Variants in FRMD4B observed in about 807,000 individuals in gnomAD.
FRMD4B encodes FERM domain-containing protein 4B.
Under a neutral mutation model 141.5 loss-of-function variants are expected in FRMD4B, and 74 were observed. The observed-to-expected ratio is 0.52, with a 90% CI of 0.43 to 0.63. The LOEUF is 0.63. Ranked by LOEUF, FRMD4B falls within the 30% of genes least tolerant of loss-of-function variation. The pLI, the probability that FRMD4B is intolerant of heterozygous loss-of-function variation, is 0.00. For missense variants in FRMD4B, 1,366 were observed against 1,253.4 expected (o/e 1.09, Z -1.36); for synonymous variants, 506 against 467.9 (o/e 1.08, Z -1.05).
chr3:69,307,635 G>A (rs754469458), intron 3 of FRMD4B, among the ~76,000 whole-genome samples: 3 of 152,030 alleles, frequency 2.0e-5, no homozygotes, highest in Non-Finnish European at 4.4e-5. Context: ...CACCACACCC[G>A]GCCTACTATT....
At chr3:69,192,863 G>A (rs866716247) in intron 17 of FRMD4B, among the ~76,000 whole-genome samples, 1 of 150,678 alleles carries the variant, frequency 6.6e-6, no homozygotes, top group East Asian at 2.0e-4. Context: ...TGTCACCCAC[G>A]CTGGAGTGCA....
At chr3:69,499,198 G>A (rs1477332748) in intron 1 of FRMD4B, among the ~76,000 whole-genome samples, 1 of 152,154 alleles carries the variant, frequency 6.6e-6, no homozygotes, top group Non-Finnish European at 1.5e-5. Flanking sequence ...CTGAACCCAG[G>A]AGAAAAGGGT....
rs1553715922 is a variant in FRMD4B at position 69,281,838 on chromosome 3, A to AATAT, written c.501+5910_501+5913dup. 4.7e-3 allele frequency among the ~76,000 whole-genome samples: 597 copies of AATAT among 128,172 alleles called. 17 individuals carry two copies. Among genetic ancestry groups the AATAT allele is most frequent in the Middle Eastern group, 8.4e-3 (2 of 238 alleles). 84.1% of individuals were successfully genotyped at this position (128,172 alleles called of 152,430 possible). A position where few individuals can be genotyped will look rare whatever the true frequency, so the allele number is the denominator to read the frequency against. ...GACTCCGTCTCAAAAAAAAAAAAAA[A>AATAT]ATATATATATATATTTTTGCTTACA... On this transcript the variant is annotated intron_variant, in intron 5 of 22. Transcript: ENST00000398540.
intron 1 of FRMD4B, among the ~76,000 whole-genome samples, chr3:69,522,120 T>G (rs1700863207): frequency 6.6e-6 from 1 of 152,146 alleles, no homozygotes; most frequent in Non-Finnish European, 1.5e-5. Context: ...GGTCAAAGAC[T>G]GCCATTTTAG....
intron 1 of FRMD4B, chr3:69,320,906 C>CTG (rs58518897): frequency 0.99 from 151,085 of 152,308 alleles, 74,946 homozygotes; most frequent in Non-Finnish European, 1. Context: ...TCCAGCTGGC[C>CTG]TGTTTGCTCC....
At chr3:69,466,850 C>T (rs768031713) in intron 1 of FRMD4B, among the ~76,000 whole-genome samples, 1 of 152,064 alleles carries the variant, frequency 6.6e-6, no homozygotes, top group South Asian at 2.1e-4. Context: ...CATGTACCAC[C>T]ACACCCAGCT....
At chr3:69,269,830 G>C (rs2093586146) in intron 5 of FRMD4B, among the ~76,000 whole-genome samples, 1 of 152,078 alleles carries the variant, frequency 6.6e-6, no homozygotes, top group African/African-American at 2.4e-5. Context: ...ATGTTGGCCA[G>C]CCTGGTCTTG....
At chr3:69,304,333 A>G (rs1461691757) in intron 3 of FRMD4B, among the ~76,000 whole-genome samples, 3 of 151,704 alleles carry the variant, frequency 2.0e-5, no homozygotes, top group Non-Finnish European at 4.4e-5. Flanking sequence ...AACATACAAA[A>G]ATTCACTGGG....
At chr3:69,388,030 G>A (rs1018668561), upstream of FRMD4B, among the ~76,000 whole-genome samples, 1 of 151,752 alleles carries the variant, frequency 6.6e-6, no homozygotes, top group African/African-American at 2.4e-5. Flanking sequence ...CATGCTGAAT[G>A]GAAAACTACT....
At chr3:69,243,889 C>T (rs114981327) in intron 7 of FRMD4B, among the ~76,000 whole-genome samples, 2,564 of 152,090 alleles carry the variant, frequency 0.017, 78 homozygotes, top group African/African-American at 0.059. Context: ...CTACTAAAAA[C>T]ACAAACAATA....
intron 1 of FRMD4B, among the ~76,000 whole-genome samples, chr3:69,484,352 T>C (rs182185965): frequency 6.6e-6 from 1 of 152,304 alleles, no homozygotes; most frequent in Admixed American, 6.5e-5. Context: ...TACCAGGTGC[T>C]ATTATATATT....
intron 1 of FRMD4B, among the ~76,000 whole-genome samples, chr3:69,360,819 G>A (rs1241196107): frequency 6.6e-6 from 1 of 152,076 alleles, no homozygotes; most frequent in Non-Finnish European, 1.5e-5. Flanking sequence ...CATTAGAAGA[G>A]CCATTTCTTT....
chr3:69,202,151 C>T (rs529325878), intron 11 of FRMD4B, among the ~76,000 whole-genome samples: 4 of 151,934 alleles, frequency 2.6e-5, no homozygotes, highest in East Asian at 3.9e-4. Flanking sequence ...TGCAGTGAGC[C>T]GAGATCGCAC....
chr3:69,318,485 T>C (rs1024205258), intron 1 of FRMD4B, among the ~76,000 whole-genome samples: 4 of 151,686 alleles, frequency 2.6e-5, no homozygotes, highest in African/African-American at 9.7e-5. Flanking sequence ...AACAAACACC[T>C]GAGGGTTTGG....
At chr3:69,347,002 G>A (rs1180298949) in intron 1 of FRMD4B, among the ~76,000 whole-genome samples, 2 of 152,136 alleles carry the variant, frequency 1.3e-5, no homozygotes, top group African/African-American at 4.8e-5. Context: ...AAATGTAAAT[G>A]GGCTAATTGC....
At chr3:69,474,599 T>A (rs1481017489) in intron 1 of FRMD4B, among the ~76,000 whole-genome samples, 1 of 152,166 alleles carries the variant, frequency 6.6e-6, no homozygotes, top group South Asian at 2.1e-4. Context: ...CATATATTAT[T>A]ACAACAGCAA....
In FRMD4B at chr3:69,181,444, T is replaced by C. The variant is rs2092706979; in HGVS notation, c.2306A>G (p.Gln769Arg). 1 of 1,613,820 alleles carries C rather than the reference T, an allele frequency of 6.2e-7. No homozygotes were observed. Among genetic ancestry groups the C allele is most frequent in the Non-Finnish European group, 8.5e-7 (1 of 1,179,876 alleles). The change falls in exon 21 of 23, where the codon CAG becomes CGG. Residue 769 changes from glutamine to arginine, a missense_variant. Transcript: ENST00000398540. Reference sequence around the variant, plus strand: ...TCCTGAATTTGAAGTAGAAACATTCTGTTTCTTTGACCTCCTCCGACCCCT... The same window carrying C: ...TCCTGAATTTGAAGTAGAAACATTCCGTTTCTTTGACCTCCTCCGACCCCT... ...RTRGRRRSKKQNVSTSNSGSM... is the reference protein window; with the variant it reads ...RTRGRRRSKKRNVSTSNSGSM...
chr3:69,449,937 C>G (rs555535616), intron 1 of FRMD4B, among the ~76,000 whole-genome samples: 1 of 152,286 alleles, frequency 6.6e-6, no homozygotes, highest in South Asian at 2.1e-4. Context: ...ATATATTTGG[C>G]TTCTTATCCT....
chr3:69,418,963 A>T (rs553323413), intron 2 of FRMD4B, among the ~76,000 whole-genome samples: 2 of 152,334 alleles, frequency 1.3e-5, no homozygotes, highest in South Asian at 2.1e-4. Context: ...AGTGTTTATT[A>T]TCAAGATATA....
Sources: gnomAD v4.1 joint callset for allele counts (sites outside exome capture counted in the v4.1 genomes callset) on GRCh38, gnomAD v4.1.1 for gene constraint, MANE v1.5 for transcripts, NCBI Gene and HGNC (gene_info 2026-07-23, HGNC 2026-07-21) for gene names.